Variants in KLRG1 observed in about 807,000 individuals in gnomAD.
KLRG1 encodes the protein killer cell lectin-like receptor subfamily G member 1.
A neutral mutation model predicts 21.8 loss-of-function variants in KLRG1; 16 were observed. The ratio of observed to expected loss-of-function variants is 0.73; its 90% CI spans 0.50 to 1.11. The LOEUF (loss-of-function observed/expected upper bound fraction) is 1.11, where lower values mean the gene tolerates loss of function less well. Ranked by LOEUF, KLRG1 falls within the 50% of genes most tolerant of loss-of-function variation. The pLI is 0.00. For synonymous variants in KLRG1, 69 were observed against 75.9 expected (o/e 0.91, Z 0.47); for missense variants, 173 against 218.3 (o/e 0.79, Z 1.31).
the KLRG1 span, among the ~76,000 whole-genome samples, chr12:9,130,589 A>T: frequency 1.3e-5 from 2 of 152,048 alleles, no homozygotes; most frequent in Non-Finnish European, 2.9e-5. Flanking sequence ...AGCCATTTGT[A>T]TATATTCTTT....
the KLRG1 span, among the ~76,000 whole-genome samples, chr12:9,189,627 A>C: frequency 1.3e-5 from 2 of 152,300 alleles, no homozygotes; most frequent in African/African-American, 4.8e-5. Flanking sequence ...CAACAAATGC[A>C]AACATTGACA....
the KLRG1 span, chr12:9,208,191 G>C: frequency 1.6e-6 from 2 of 1,218,012 alleles, no homozygotes; most frequent in South Asian, 1.2e-5. Flanking sequence ...TACAAAGGAA[G>C]GCAAAGCGAA....
intron 1 of KLRG1, among the ~76,000 whole-genome samples, chr12:8,978,167 A>G (rs2137277844): frequency 6.6e-6 from 1 of 152,226 alleles, no homozygotes; most frequent in Non-Finnish European, 1.5e-5. Flanking sequence ...ATATACCTTC[A>G]CCAGGAGATT....
intron 1 of KLRG1, among the ~76,000 whole-genome samples, chr12:8,975,225 T>C (rs1425874479): frequency 3.9e-5 from 6 of 152,118 alleles, no homozygotes; most frequent in African/African-American, 1.4e-4. Flanking sequence ...TGGAAGAGTT[T>C]AAGAAGATTA....
At chr12:8,990,582 T>C (rs1441950332) in intron 1 of KLRG1, among the ~76,000 whole-genome samples, 1 of 152,186 alleles carries the variant, frequency 6.6e-6, no homozygotes, top group Non-Finnish European at 1.5e-5. Context: ...TGGATATCTT[T>C]ATTTGTGTAA....
the KLRG1 span, among the ~76,000 whole-genome samples, chr12:9,061,911 C>G: frequency 6.6e-6 from 1 of 152,026 alleles, no homozygotes; most frequent in Non-Finnish European, 1.5e-5. Context: ...GACACGGAAA[C>G]CAACCCCCCA....
At chr12:9,183,056 A>T in the KLRG1 span, among the ~76,000 whole-genome samples, 80 of 152,228 alleles carry the variant, frequency 5.3e-4, no homozygotes, top group Non-Finnish European at 2.9e-5. Flanking sequence ...GAAACTCAAA[A>T]TAATGTAGGA....
the KLRG1 span, chr12:9,162,526 T>C: frequency 9.8e-7 from 1 of 1,017,634 alleles, no homozygotes; most frequent in Non-Finnish European, 1.5e-6. Context: ...AAAATGAATG[T>C]GCATTGTAAC....
chr12:9,135,987 A>G, the KLRG1 span, among the ~76,000 whole-genome samples: 1 of 152,206 alleles, frequency 6.6e-6, no homozygotes, highest in Non-Finnish European at 1.5e-5. Flanking sequence ...TGGCAGCTCA[A>G]TAGGGGAGCT....
the KLRG1 span, chr12:9,192,603 A>G: frequency 6.2e-7 from 1 of 1,614,204 alleles, no homozygotes; most frequent in Non-Finnish European, 8.5e-7. Flanking sequence ...GCCACAGGGC[A>G]GGGTACCAGC....
chr12:9,020,263 T>C, the KLRG1 span, among the ~76,000 whole-genome samples: 1 of 152,294 alleles, frequency 6.6e-6, no homozygotes, highest in South Asian at 2.1e-4. Context: ...ATACAATAAG[T>C]GGGATATATT....
At chr12:9,141,913 G>A in the KLRG1 span, among the ~76,000 whole-genome samples, 1 of 152,290 alleles carries the variant, frequency 6.6e-6, no homozygotes, top group African/African-American at 2.4e-5. Flanking sequence ...TGCAAAGCAG[G>A]CAAGTTGTAC....
chr12:9,139,196 A>G, the KLRG1 span, among the ~76,000 whole-genome samples: 3 of 151,998 alleles, frequency 2.0e-5, no homozygotes, highest in Non-Finnish European at 1.5e-5. Flanking sequence ...TGACTTTTCA[A>G]GAGTCTGTTG....
At chr12:9,114,062 A>T in the KLRG1 span, among the ~76,000 whole-genome samples, 2 of 152,206 alleles carry the variant, frequency 1.3e-5, no homozygotes, top group African/African-American at 4.8e-5. Context: ...CCTCAAAGAA[A>T]GTGAGCCATT....
At chr12:9,165,004 A>G in the KLRG1 span, 3 of 1,071,126 alleles carry the variant, frequency 2.8e-6, no homozygotes, top group Non-Finnish European at 4.1e-6. Context: ...CCTGCTTTGC[A>G]TAGCACTAAT....
chr12:9,024,826 A>G, the KLRG1 span, among the ~76,000 whole-genome samples: 1 of 152,138 alleles, frequency 6.6e-6, no homozygotes, highest in Admixed American at 6.5e-5. Context: ...TCTACAATAC[A>G]CATCTTTCCC....
chr12:9,061,243 G>C, the KLRG1 span, among the ~76,000 whole-genome samples: 1 of 152,134 alleles, frequency 6.6e-6, no homozygotes, highest in South Asian at 2.1e-4. Context: ...GAAAAGTGTT[G>C]TTGAATTGGG....
chr12:9,011,896 T>C (rs1280666935), downstream of KLRG1, among the ~76,000 whole-genome samples: 1 of 152,144 alleles, frequency 6.6e-6, no homozygotes, highest in African/African-American at 2.4e-5. Context: ...GGGACAGAAA[T>C]CAGCCAGTGC....
chr12:9,025,644 A>AC, the KLRG1 span, among the ~76,000 whole-genome samples: 1 of 151,902 alleles, frequency 6.6e-6, no homozygotes, highest in Non-Finnish European at 1.5e-5. Context: ...CTCAAAAAAA[A>AC]CCCAAAAAAT....
Sources: allele counts gnomAD v4.1 joint callset (sites outside exome capture counted in the v4.1 genomes callset), GRCh38; gene constraint gnomAD v4.1.1; transcripts MANE v1.5; gene names NCBI Gene and HGNC (gene_info 2026-07-23, HGNC 2026-07-21).